The following KALRN variants were observed in gnomAD, a reference collection of about 807,000 sequenced individuals.
KALRN encodes kalirin.
KALRN carries 70 observed loss-of-function variants against 353.7 expected under a neutral mutation model. The ratio of observed to expected loss-of-function variants is 0.20; its 90% CI spans 0.16 to 0.24. The LOEUF (loss-of-function observed/expected upper bound fraction) is 0.24, where lower values mean the gene tolerates loss of function less well. Among genes scored for constraint, KALRN ranks in the 10% least tolerant of loss-of-function variants. The pLI is 1.00. For missense variants in KALRN, 2,791 were observed against 3,756.7 expected (o/e 0.74, Z 6.72); for synonymous variants, 1,391 against 1,434.8 (o/e 0.97, Z 0.69).
At position 124,366,865 on chromosome 3, in the gene KALRN, G is replaced by A. The variant is rs1356385815; in HGVS notation, c.1771-17980G>A. ...CCCCCACCTCCCTCCCGGACGGGGC[G>A]GCTGGCCGGGCGGGGGGCTGACCCC... On this transcript the variant is annotated intron_variant, in intron 10 of 59. Transcript: ENST00000682506. Among the ~76,000 whole-genome samples, 23 of 138,406 alleles carry A rather than the reference G, an allele frequency of 1.7e-4. No individual in the cohort carries two copies. In the South Asian group the frequency reaches 4.7e-3, roughly 28 times the overall value. The allele number at this position is 138,406 out of a possible 152,430, so 90.8% of individuals were successfully genotyped here.
At chr3:124,647,800 A>G (rs952781195) in intron 37 of KALRN, among the ~76,000 whole-genome samples, 17 of 152,214 alleles carry the variant, frequency 1.1e-4, no homozygotes, top group Non-Finnish European at 2.9e-5. Context: ...AAGAGTGTCT[A>G]TAGGTGCCCA....
At chr3:124,396,375 A>T (rs188427645) in intron 12 of KALRN, among the ~76,000 whole-genome samples, 1 of 152,320 alleles carries the variant, frequency 6.6e-6, no homozygotes, top group East Asian at 1.9e-4. Context: ...TGCACATGAG[A>T]TGCTCCAAAT....
At chr3:124,597,238 A>G (rs1379927702) in intron 34 of KALRN, among the ~76,000 whole-genome samples, 1 of 152,228 alleles carries the variant, frequency 6.6e-6, no homozygotes, top group Non-Finnish European at 1.5e-5. Context: ...ATATTAGGCT[A>G]GTGACATAGA....
At chr3:124,360,923 A>T (rs561808538) in intron 10 of KALRN, among the ~76,000 whole-genome samples, 73 of 152,370 alleles carry the variant, frequency 4.8e-4, no homozygotes, top group African/African-American at 1.5e-3. Flanking sequence ...TTTTGCCTTC[A>T]CGAAAAGATT....
chr3:124,451,553 G>T (rs1681929399), intron 21 of KALRN, among the ~76,000 whole-genome samples: 1 of 152,158 alleles, frequency 6.6e-6, no homozygotes, highest in African/African-American at 2.4e-5. Context: ...CATTTTATTA[G>T]TTTCTATAAG....
intron 25 of KALRN, among the ~76,000 whole-genome samples, chr3:124,468,780 C>G (rs2060600917): frequency 6.6e-6 from 1 of 152,194 alleles, no homozygotes. Context: ...AAGGGGAAGG[C>G]CTGTTGTGAT....
At chr3:124,441,921 G>A (rs1427866298) in intron 18 of KALRN, 24 bp from the exon 19 acceptor site, 2 of 1,445,132 alleles carry the variant, frequency 1.4e-6, no homozygotes, top group Non-Finnish European at 1.9e-6. Flanking sequence ...TGGGACAGGG[G>A]CCTCACAGCT....
intron 51 of KALRN, among the ~76,000 whole-genome samples, chr3:124,680,315 C>T (rs1298117232): frequency 6.6e-6 from 1 of 152,246 alleles, no homozygotes; most frequent in Non-Finnish European, 1.5e-5. Flanking sequence ...ACTTCCAACT[C>T]CCAGTCTGTT....
intron 10 of KALRN, among the ~76,000 whole-genome samples, chr3:124,362,094 A>G (rs1007590905): frequency 2.6e-5 from 4 of 152,114 alleles, no homozygotes; most frequent in African/African-American, 9.7e-5. Flanking sequence ...AAGAGATTTG[A>G]GAACATGTGG....
chr3:124,370,397 C>T (rs1426773649), intron 10 of KALRN, among the ~76,000 whole-genome samples: 3 of 152,182 alleles, frequency 2.0e-5, no homozygotes, highest in East Asian at 1.9e-4. Flanking sequence ...TCTGGTGAAG[C>T]TTCTTGGGCA....
intron 36 of KALRN, among the ~76,000 whole-genome samples, chr3:124,634,652 T>C (rs2081160696): frequency 6.6e-6 from 1 of 152,180 alleles, no homozygotes; most frequent in Non-Finnish European, 1.5e-5. Flanking sequence ...AGCTTTATGT[T>C]CTCCCTCACT....
At chr3:124,135,183 A>G (rs1460179813) in intron 1 of KALRN, among the ~76,000 whole-genome samples, 1 of 152,232 alleles carries the variant, frequency 6.6e-6, no homozygotes, top group African/African-American at 2.4e-5. Context: ...ATATGATGGA[A>G]TACTACTCAG....
At chr3:124,404,364 AC>A (rs991012938) in intron 13 of KALRN, among the ~76,000 whole-genome samples, 2 of 151,806 alleles carry the variant, frequency 1.3e-5, no homozygotes, top group African/African-American at 4.8e-5. Flanking sequence ...TATTTTATTC[AC>A]CTCTTTCTGG....
At chr3:124,690,008 G>C (rs1189875260) in intron 51 of KALRN, among the ~76,000 whole-genome samples, 2 of 152,106 alleles carry the variant, frequency 1.3e-5, no homozygotes, top group African/African-American at 2.4e-5. Context: ...TGACTGATTA[G>C]ATTCCTGAGC....
intron 33 of KALRN, among the ~76,000 whole-genome samples, chr3:124,516,296 T>TGGG (rs2066542090): frequency 6.6e-6 from 1 of 152,160 alleles, no homozygotes; most frequent in African/African-American, 2.4e-5. Context: ...ACACAAACCT[T>TGGG]GGTTCAGATC....
intron 13 of KALRN, among the ~76,000 whole-genome samples, chr3:124,403,403 A>C (rs1382809531): frequency 6.6e-6 from 1 of 152,232 alleles, no homozygotes; most frequent in Non-Finnish European, 1.5e-5. Context: ...GACACTAAGA[A>C]GGATATTCTA....
At chr3:124,454,712 T>C (rs1346959506) in intron 21 of KALRN, among the ~76,000 whole-genome samples, 2 of 152,062 alleles carry the variant, frequency 1.3e-5, no homozygotes, top group Non-Finnish European at 2.9e-5. Context: ...ACTGAACATA[T>C]ACAGACTTTT....
intron 1 of KALRN, among the ~76,000 whole-genome samples, chr3:124,225,250 A>G (rs1184197539): frequency 6.6e-5 from 10 of 152,236 alleles, no homozygotes; most frequent in African/African-American, 2.2e-4. Context: ...CATAATACAT[A>G]TATTGTTCAA....
At chr3:124,242,355 G>A (rs1369472977) in intron 3 of KALRN, among the ~76,000 whole-genome samples, 1 of 152,206 alleles carries the variant, frequency 6.6e-6, no homozygotes, top group Non-Finnish European at 1.5e-5. Flanking sequence ...AGGAAACTGA[G>A]ACGTAGAGAG....
Sources: gnomAD v4.1 joint callset for allele counts (sites outside exome capture counted in the v4.1 genomes callset) on GRCh38, gnomAD v4.1.1 for gene constraint, MANE v1.5 for transcripts, NCBI Gene and HGNC (gene_info 2026-07-23, HGNC 2026-07-21) for gene names.